HECW1: variants seen among roughly 807,000 people sequenced by gnomAD.
HECW1 encodes HECT, C2 and WW domain containing E3 ubiquitin protein ligase 1, also known as E3 ubiquitin-protein ligase HECW1.
Under a neutral mutation model 182.3 loss-of-function variants are expected in HECW1, and 61 were observed. The observed-to-expected ratio is 0.33, with a 90% CI of 0.27 to 0.41. The LOEUF is 0.41. HECW1 is among the 10% of genes least tolerant of loss of function. The pLI is 1.00. For synonymous variants in HECW1, 859 were observed against 832.6 expected, an observed-to-expected ratio of 1.03 and a Z score of -0.55; for missense variants, 1,739 against 2,108.9, an observed-to-expected ratio of 0.82 and a Z score of 3.44.
intron 2 of HECW1, among the ~76,000 whole-genome samples, chr7:43,163,683 C>T (rs1790793148): frequency 6.6e-6 from 1 of 152,160 alleles, no homozygotes; most frequent in South Asian, 2.1e-4. Context: ...GTTCGATCAA[C>T]TAAGCTCCCC....
At chr7:43,417,447 C>G (rs2076047586) in intron 8 of HECW1, among the ~76,000 whole-genome samples, 1 of 152,166 alleles carries the variant, frequency 6.6e-6, no homozygotes, top group East Asian at 1.9e-4. Flanking sequence ...CCTGGTGAGT[C>G]TAATCCTCTT....
intron 3 of HECW1, among the ~76,000 whole-genome samples, chr7:43,304,457 CAGTT>C (rs1184109650): frequency 8.3e-5 from 12 of 145,452 alleles, no homozygotes; most frequent in African/African-American, 2.9e-4. Context: ...TCATTCAACA[CAGTT>C]ATTTATTTAT....
chr7:43,392,014 C>T (rs762248829), intron 6 of HECW1, among the ~76,000 whole-genome samples: 1 of 152,096 alleles, frequency 6.6e-6, no homozygotes, highest in Non-Finnish European at 1.5e-5. Flanking sequence ...AAGTGGAACT[C>T]GTAATTCCCT....
intron 2 of HECW1, among the ~76,000 whole-genome samples, chr7:43,176,052 T>C (rs1443376688): frequency 6.6e-6 from 1 of 152,248 alleles, no homozygotes; most frequent in Non-Finnish European, 1.5e-5. Context: ...TTACCTATTT[T>C]GCAAGTACTA....
At chr7:43,487,684 A>T (rs754723212) in intron 17 of HECW1, among the ~76,000 whole-genome samples, 14 of 152,192 alleles carry the variant, frequency 9.2e-5, no homozygotes, top group Non-Finnish European at 1.6e-4. Context: ...CAGGCCGCGG[A>T]TGGTGGCTCA....
intron 26 of HECW1, among the ~76,000 whole-genome samples, chr7:43,547,672 A>G (rs1044448842): frequency 6.6e-6 from 1 of 152,236 alleles, no homozygotes; most frequent in African/African-American, 2.4e-5. Context: ...CCTTTTTTAC[A>G]ATGGTCCCTA....
At chr7:43,200,120 A>C (rs960931328) in intron 2 of HECW1, among the ~76,000 whole-genome samples, 2 of 152,344 alleles carry the variant, frequency 1.3e-5, no homozygotes, top group South Asian at 4.1e-4. Context: ...TTTTAAAAGT[A>C]CTAGAAACCA....
intron 5 of HECW1, among the ~76,000 whole-genome samples, chr7:43,323,226 G>A (rs1341665844): frequency 6.6e-6 from 1 of 152,156 alleles, no homozygotes; most frequent in Non-Finnish European, 1.5e-5. Context: ...AACATTTCTT[G>A]TATATTTATT....
chr7:43,177,018 T>C (rs1792324540), intron 2 of HECW1, among the ~76,000 whole-genome samples: 1 of 152,252 alleles, frequency 6.6e-6, no homozygotes. Context: ...CTCTGGCTAT[T>C]ATTTTATGAC....
chr7:43,183,535 C>T (rs1583858659), intron 2 of HECW1, among the ~76,000 whole-genome samples: 6 of 152,238 alleles, frequency 3.9e-5, no homozygotes, highest in South Asian at 4.2e-4. Flanking sequence ...TATACACATA[C>T]ACTTATTTAA....
At chr7:43,416,844 C>T (rs1251708367) in intron 8 of HECW1, among the ~76,000 whole-genome samples, 1 of 46,928 alleles carries the variant, frequency 2.1e-5, no homozygotes, top group Non-Finnish European at 3.7e-5. Context: ...CTCCCTGGCC[C>T]CTTGCGCTTC....
intron 2 of HECW1, among the ~76,000 whole-genome samples, chr7:43,181,941 C>T (rs578108890): frequency 7.3e-5 from 11 of 150,888 alleles, no homozygotes; most frequent in Non-Finnish European, 1.3e-4. Flanking sequence ...GTGCCCACCA[C>T]GCCCGGCTAA....
rs142371361 is a variant in HECW1 at position 43,457,063 on chromosome 7, T to G, written c.2651+616T>G. Reference sequence around the variant, plus strand: ...AAGCATTTTTTGAGAATTATTTTGTTGAAAAACTAGGCCCTCTCTATTGAA... The same window carrying G: ...AAGCATTTTTTGAGAATTATTTTGTGGAAAAACTAGGCCCTCTCTATTGAA... On this transcript the variant is annotated intron_variant, in intron 13 of 29. Transcript: ENST00000395891. Among the ~76,000 whole-genome samples the G allele has an allele frequency of 9.1e-3, 1,379 of 152,346 alleles. 19 individuals carry two copies. Among genetic ancestry groups the G allele is most frequent in the African/African-American group, 0.031 (1,306 of 41,586 alleles).
intron 8 of HECW1, among the ~76,000 whole-genome samples, chr7:43,420,094 A>G (rs1437496612): frequency 6.6e-6 from 1 of 152,266 alleles, no homozygotes; most frequent in Non-Finnish European, 1.5e-5. Flanking sequence ...ACTTGGACCA[A>G]TATAAGCATG....
intron 24 of HECW1, 131 bp from the exon 25 acceptor site, chr7:43,541,032 G>C (rs2081346469): frequency 1.4e-6 from 1 of 718,618 alleles, no homozygotes; most frequent in East Asian, 2.7e-5. Flanking sequence ...TGCCTCCCTT[G>C]TGTCATCAAT....
intron 3 of HECW1, among the ~76,000 whole-genome samples, chr7:43,305,755 C>G (rs955418849): frequency 5.9e-5 from 9 of 151,316 alleles, no homozygotes; most frequent in African/African-American, 2.2e-4. Context: ...CCCGTCACCA[C>G]GCCCAGCTAA....
chr7:43,336,008 CTCTT>C (rs1231313452), intron 5 of HECW1, among the ~76,000 whole-genome samples: 1 of 113,268 alleles, frequency 8.8e-6, no homozygotes, highest in African/African-American at 3.4e-5. Flanking sequence ...TCCTTCCTTT[CTCTT>C]TCTCTTTCTT....
At chr7:43,526,912 C>T (rs928779637) in intron 24 of HECW1, among the ~76,000 whole-genome samples, 1 of 152,184 alleles carries the variant, frequency 6.6e-6, no homozygotes, top group Admixed American at 6.5e-5. Flanking sequence ...GAGAGGATCA[C>T]TTAACCCAGG....
intron 5 of HECW1, among the ~76,000 whole-genome samples, chr7:43,334,896 C>T (rs986432514): frequency 6.6e-6 from 1 of 152,196 alleles, no homozygotes; most frequent in African/African-American, 2.4e-5. Flanking sequence ...TTTGGACCTA[C>T]AGACACAGCC....
Sources: allele counts gnomAD v4.1 joint callset (sites outside exome capture counted in the v4.1 genomes callset), GRCh38; gene constraint gnomAD v4.1.1; transcripts MANE v1.5; gene names NCBI Gene and HGNC (gene_info 2026-07-23, HGNC 2026-07-21).